Variants in CTNNA2 observed in about 807,000 individuals in gnomAD.
The protein encoded by CTNNA2 is catenin alpha-2.
CTNNA2 carries 42 observed loss-of-function variants against 101.0 expected under a neutral mutation model. That is an observed-to-expected ratio of 0.42 (90% CI 0.32 to 0.54). The LOEUF (loss-of-function observed/expected upper bound fraction) is 0.54, where lower values mean the gene tolerates loss of function less well. Among genes scored for constraint, CTNNA2 ranks in the 20% least tolerant of loss-of-function variants. The pLI is 0.14. For synonymous variants in CTNNA2, 450 were observed against 456.4 expected (o/e 0.99, Z 0.18); for missense variants, 871 against 1,223.1 (o/e 0.71, Z 4.29).
At chr2:79,639,415 C>T (rs1168800801) in intron 1 of CTNNA2, among the ~76,000 whole-genome samples, 1 of 152,144 alleles carries the variant, frequency 6.6e-6, no homozygotes, top group African/African-American at 2.4e-5. Flanking sequence ...TATGGGATTG[C>T]ACTTTTTGGC....
intron 12 of CTNNA2, 70 bp from the exon 13 acceptor site, chr2:80,574,093 G>C: frequency 6.6e-7 from 1 of 1,519,894 alleles, no homozygotes; most frequent in East Asian, 2.3e-5. Flanking sequence ...CTGCCACTTC[G>C]CCCAAGAGCT....
chr2:79,487,047 A>C (rs1671165140), intron 4 of CTNNA2, among the ~76,000 whole-genome samples: 2 of 152,214 alleles, frequency 1.3e-5, no homozygotes, highest in South Asian at 2.1e-4. Flanking sequence ...AAACATAATA[A>C]ATTTAAAAAA....
At chr2:80,039,022 A>G (rs1695855858) in intron 7 of CTNNA2, among the ~76,000 whole-genome samples, 1 of 152,156 alleles carries the variant, frequency 6.6e-6, no homozygotes, top group South Asian at 2.1e-4. Context: ...AAGCATCAGC[A>G]ATAATGGATA....
At chr2:80,290,845 A>G (rs1675177273) in intron 7 of CTNNA2, among the ~76,000 whole-genome samples, 1 of 152,156 alleles carries the variant, frequency 6.6e-6, no homozygotes, top group Non-Finnish European at 1.5e-5. Context: ...AGGGAAAGAA[A>G]AAATGAAGGG....
At chr2:79,505,395 C>T (rs889712213) in intron 5 of CTNNA2, among the ~76,000 whole-genome samples, 8 of 151,408 alleles carry the variant, frequency 5.3e-5, no homozygotes, top group African/African-American at 1.5e-4. Flanking sequence ...AGTCATAAAA[C>T]GACTGATTTA....
intron 3 of CTNNA2, among the ~76,000 whole-genome samples, chr2:79,365,096 G>C (rs1412487486): frequency 3.3e-5 from 5 of 151,916 alleles, no homozygotes; most frequent in Non-Finnish European, 7.4e-5. Flanking sequence ...CCAACATGCT[G>C]AAACCCCGCC....
chr2:79,671,349 C>T (rs1040612898), intron 2 of CTNNA2, among the ~76,000 whole-genome samples: 3 of 152,220 alleles, frequency 2.0e-5, no homozygotes, highest in African/African-American at 7.2e-5. Context: ...GCTAGTACCA[C>T]CTTCAAGTTC....
intron 8 of CTNNA2, among the ~76,000 whole-genome samples, chr2:80,400,400 C>G (rs1223848701): frequency 1.3e-5 from 2 of 152,094 alleles, no homozygotes; most frequent in African/African-American, 4.8e-5. Flanking sequence ...CCATTTGCTC[C>G]AGGATGTCCT....
chr2:80,142,179 G>A (rs1269471154), intron 7 of CTNNA2, among the ~76,000 whole-genome samples: 2 of 152,062 alleles, frequency 1.3e-5, no homozygotes, highest in Non-Finnish European at 2.9e-5. Context: ...CACTTTTTTA[G>A]GTCAAACCAA....
chr2:79,383,380 G>A (rs1393097240), intron 4 of CTNNA2, among the ~76,000 whole-genome samples: 2 of 152,164 alleles, frequency 1.3e-5, no homozygotes, highest in African/African-American at 2.4e-5. Flanking sequence ...GGACCTTGAA[G>A]GATAGATAGA....
chr2:80,569,633 GTTTTTTTTTTTT>G (rs70940088), intron 12 of CTNNA2, among the ~76,000 whole-genome samples: 4 of 51,718 alleles, frequency 7.7e-5, no homozygotes, highest in South Asian at 8.8e-4. Context: ...GGGTATTTAG[GTTTTTTTTTTTT>G]TTTTTTTTTT....
At chr2:79,580,897 A>C (rs557540471) in intron 1 of CTNNA2, among the ~76,000 whole-genome samples, 1 of 152,276 alleles carries the variant, frequency 6.6e-6, no homozygotes, top group East Asian at 1.9e-4. Flanking sequence ...TTCAAGTCAA[A>C]ATTCATTTAT....
chr2:80,097,992 T>G (rs1489493596), intron 7 of CTNNA2, among the ~76,000 whole-genome samples: 4 of 152,224 alleles, frequency 2.6e-5, no homozygotes, highest in African/African-American at 7.2e-5. Flanking sequence ...TTCTGAAACC[T>G]TCTTCTCTCA....
At chr2:79,785,555 T>TC (rs1275577966) in intron 3 of CTNNA2, among the ~76,000 whole-genome samples, 2 of 150,028 alleles carry the variant, frequency 1.3e-5, no homozygotes, top group East Asian at 2.0e-4. Flanking sequence ...TTGCTTTTTT[T>TC]CCCCACAGGA....
intron 2 of CTNNA2, among the ~76,000 whole-genome samples, chr2:79,727,230 T>C (rs1686902022): frequency 1.3e-5 from 2 of 152,232 alleles, no homozygotes; most frequent in Admixed American, 1.3e-4. Context: ...AGTGGTACTA[T>C]ACAAATATAT....
intron 7 of CTNNA2, among the ~76,000 whole-genome samples, chr2:79,958,697 C>A (rs976122072): frequency 6.6e-6 from 1 of 152,048 alleles, no homozygotes; most frequent in Admixed American, 6.5e-5. Flanking sequence ...ACATTTGAGT[C>A]GTATTAAGCA....
intron 16 of CTNNA2, among the ~76,000 whole-genome samples, 182 bp from the exon 17 acceptor site, chr2:80,608,002 G>T (rs1005842316): frequency 6.6e-6 from 1 of 151,810 alleles, no homozygotes; most frequent in Admixed American, 6.6e-5. Context: ...TATTAAAGTA[G>T]AGCCAACCAT....
chr2:80,205,376 G>A (rs1434784763), intron 7 of CTNNA2, among the ~76,000 whole-genome samples: 2 of 152,186 alleles, frequency 1.3e-5, no homozygotes, highest in Non-Finnish European at 2.9e-5. Context: ...CAGATATTTA[G>A]CTTTCTCAAT....
At chr2:79,860,546 G>GTTTTTTTTTTTTATTTTTTTTTTT (rs1681522787) in intron 4 of CTNNA2, among the ~76,000 whole-genome samples, 1 of 107,180 alleles carries the variant, frequency 9.3e-6, no homozygotes, top group African/African-American at 3.7e-5. Context: ...AGTAAGGGAA[G>GTTTTTTTTTTTTATTTTTTTTTTT]TTTTTTTTTT....
Sources: gnomAD v4.1 joint callset for allele counts (sites outside exome capture counted in the v4.1 genomes callset) on GRCh38, gnomAD v4.1.1 for gene constraint, MANE v1.5 for transcripts, NCBI Gene and HGNC (gene_info 2026-07-23, HGNC 2026-07-21) for gene names.